FLNB: variants seen among roughly 807,000 people sequenced by gnomAD.
FLNB encodes the protein filamin-B.
A neutral mutation model predicts 250.6 loss-of-function variants in FLNB; 111 were observed. The ratio of observed to expected loss-of-function variants is 0.44; its 90% CI spans 0.38 to 0.52. The LOEUF is 0.52. Ranked by LOEUF, FLNB falls within the 20% of genes least tolerant of loss-of-function variation. The probability of loss-of-function intolerance (pLI) is 0.00; values close to 1 mark genes in which losing one functional copy is unlikely to be tolerated. For missense variants in FLNB, 2,869 were observed against 3,447.8 expected (o/e 0.83, Z 4.20); for synonymous variants, 1,302 against 1,372.1 (o/e 0.95, Z 1.13).
chr3:58,019,676 AT>A (rs55939174), intron 1 of FLNB, among the ~76,000 whole-genome samples: 40,347 of 151,858 alleles, frequency 0.27, 5,699 homozygotes, highest in East Asian at 0.5. Context: ...GCTTCTGTGG[AT>A]TTTTTTTCTT....
intron 1 of FLNB, among the ~76,000 whole-genome samples, chr3:58,042,893 ATGTT>A (rs2097148124): frequency 1.3e-5 from 2 of 152,018 alleles, no homozygotes; most frequent in African/African-American, 4.8e-5. Context: ...TCTACTGGGA[ATGTT>A]TGTTTGTGAT....
intron 1 of FLNB, among the ~76,000 whole-genome samples, chr3:58,010,768 A>G (rs1229194365): frequency 6.6e-6 from 1 of 152,234 alleles, no homozygotes; most frequent in Non-Finnish European, 1.5e-5. Flanking sequence ...AGCACTAGCA[A>G]ATCACAGACT....
Position 58,146,837 on chromosome 3 carries a change from A to G in FLNB, c.5572A>G (p.Ile1858Val), listed in dbSNP as rs754559350. ...DAGEGGLDLAIEGPSKAEISC... is the reference protein window; with the variant it reads ...DAGEGGLDLAVEGPSKAEISC... ...ACTTGTAGGTGGTCTGGACTTGGCT[A>G]TTGAGGGCCCCTCAAAAGCAGAAAT... The change falls in exon 34 of 46, where the codon ATT becomes GTT. Residue 1858 changes from isoleucine to valine, a missense_variant. Physicochemically the swap from Ile to Val is conservative, Grantham distance 29. Transcript: ENST00000295956. The G allele has an allele frequency of 9.9e-6, 16 of 1,614,178 alleles. No homozygotes were observed. In the Admixed American group the frequency reaches 1.8e-4, roughly 18 times the overall value.
chr3:58,108,888 T>C (rs145378123), intron 13 of FLNB, among the ~76,000 whole-genome samples: 5 of 152,328 alleles, frequency 3.3e-5, no homozygotes, highest in African/African-American at 1.2e-4. Flanking sequence ...ATTTAAAAAG[T>C]ATGTTTATTT....
At chr3:58,093,278 G>T (rs1407856742) in intron 4 of FLNB, among the ~76,000 whole-genome samples, 1 of 152,110 alleles carries the variant, frequency 6.6e-6, no homozygotes, top group African/African-American at 2.4e-5. Flanking sequence ...ATGAAGTTGG[G>T]GTGGGCCATC....
At position 58,150,011 on chromosome 3, in the gene FLNB, A is replaced by C; in HGVS notation, c.6244+9A>C. 1 of 1,614,270 alleles carries C rather than the reference A, an allele frequency of 6.2e-7. No homozygotes were observed. The highest frequency in any genetic ancestry group is 8.5e-7 in the Non-Finnish European group (1 of 1,180,044). On this transcript the variant is annotated intron_variant, in intron 37 of 45. Coordinates refer to ENST00000295956, the MANE Select transcript of FLNB (RefSeq NM_001457.4). ...TGACGAGCACGTGCCTGGTATGTGC[A>C]TTCCATTCCCCTCCAGGTGGGATGC...
chr3:58,015,577 C>A (rs773558115), intron 1 of FLNB, among the ~76,000 whole-genome samples: 3 of 152,186 alleles, frequency 2.0e-5, no homozygotes, highest in Non-Finnish European at 4.4e-5. Flanking sequence ...TCAGATACTG[C>A]TCAGAGGAGA....
intron 1 of FLNB, among the ~76,000 whole-genome samples, chr3:58,024,701 CTT>C (rs1174805764): frequency 1.4e-4 from 12 of 83,764 alleles, no homozygotes; most frequent in Admixed American, 2.8e-4. Context: ...GCCAAGCCTC[CTT>C]TTTTTTTTTT....
At chr3:58,149,211 T>C (rs1162476652) in intron 36 of FLNB, 1 of 347,572 alleles carries the variant, frequency 2.9e-6, no homozygotes, top group African/African-American at 2.1e-5. Flanking sequence ...GCCAAGACCA[T>C]GGTCATCTGA....
chr3:58,028,615 TC>T (rs1322057325), intron 1 of FLNB, among the ~76,000 whole-genome samples: 7 of 136,718 alleles, frequency 5.1e-5, no homozygotes, highest in African/African-American at 2.3e-4. Context: ...TTTTTTCTTT[TC>T]TTTTTTTTTT....
rs1337992517 is a variant in FLNB at position 58,106,359 on chromosome 3, T to C, written c.1748-321T>C. ...CATATAATGTATTTAATACTATATATATATATATATATATATATCCTCCTG... is the reference window on the plus strand; with the variant it reads ...CATATAATGTATTTAATACTATATACATATATATATATATATATCCTCCTG... On this transcript the variant is annotated intron_variant, in intron 11 of 45. Coordinates refer to ENST00000295956, the MANE Select transcript of FLNB (RefSeq NM_001457.4). Among the ~76,000 whole-genome samples the C allele has an allele frequency of 2.1e-5, 3 of 141,034 alleles. 1 individual carries two copies. In the East Asian group the frequency reaches 6.7e-4, roughly 31 times the overall value. The allele number at this position is 141,034 out of a possible 152,430, so 92.5% of individuals were successfully genotyped here.
rs899442730 is a variant in FLNB at position 58,142,196 on chromosome 3, G to A, written c.5181+267G>A. 1.3e-5 allele frequency among the ~76,000 whole-genome samples: 2 copies of A among 152,212 alleles called. No individual in the cohort carries two copies. The highest frequency in any genetic ancestry group is 2.9e-5 in the Non-Finnish European group (2 of 68,032). On this transcript the variant is annotated intron_variant, in intron 30 of 45. Transcript: ENST00000295956. This position sits in a 1 kb window ranked among gnomAD's most constrained non-coding sequence, Gnocchi z 4.3. ...GTCTCTGTGTTTAAAGAGAAAGACAGACAGCTGTCTGCAGCCCTCCTGCTG... is the reference window on the plus strand; with the variant it reads ...GTCTCTGTGTTTAAAGAGAAAGACAAACAGCTGTCTGCAGCCCTCCTGCTG...
At position 58,163,298 on chromosome 3, in the gene FLNB, C is replaced by T. The variant is rs541479906; in HGVS notation, c.7166C>T (p.Ala2389Val). 6.2e-7 allele frequency: 1 copy of T among 1,614,202 alleles called. No individual in the cohort carries two copies. Among genetic ancestry groups the T allele is most frequent in the African/African-American group, 1.3e-5 (1 of 75,044 alleles). Reference sequence around the variant, plus strand: ...GCGGGGAACCCTGCCCTGGTGTCCGCCTATGGCACGGGACTCGAAGGGGGC... The same window carrying T: ...GCGGGGAACCCTGCCCTGGTGTCCGTCTATGGCACGGGACTCGAAGGGGGC... The part of the protein sequence containing the change: ...GQAGNPALVS[A>V]YGTGLEGGTT... Residue 2389 changes from alanine (A) to valine (V), a missense_variant, in exon 43 of 46, where the codon GCC (alanine) becomes GTC (valine). Transcript: ENST00000295956.
At chr3:58,049,432 A>G (rs1230983284) in intron 1 of FLNB, among the ~76,000 whole-genome samples, 6 of 152,134 alleles carry the variant, frequency 3.9e-5, no homozygotes, top group Non-Finnish European at 8.8e-5. Context: ...TGCCCTTGCT[A>G]GGTATTAGCA....
intron 1 of FLNB, among the ~76,000 whole-genome samples, chr3:58,044,757 G>A (rs1156325843): frequency 6.6e-6 from 1 of 152,218 alleles, no homozygotes; most frequent in Non-Finnish European, 1.5e-5. Context: ...GCCCAGATCA[G>A]CACCTTGGGA....
At position 58,124,416 on chromosome 3, in the gene FLNB, T is replaced by A. The variant is rs764346451; in HGVS notation, c.3809T>A (p.Ile1270Asn). 6.2e-7 allele frequency: 1 copy of A among 1,614,212 alleles called. No individual in the cohort carries two copies. Among genetic ancestry groups the A allele is most frequent in the African/African-American group, 1.3e-5 (1 of 75,058 alleles). Residue 1270 changes from isoleucine to asparagine, a missense_variant, in exon 22 of 46, where the codon ATT becomes AAT. Physicochemically the swap from Ile to Asn is moderately radical, Grantham distance 149. This residue lies in a region of FLNB where 1,348 missense variants were observed against 1,466.7 expected (regional missense o/e 0.92). Coordinates refer to ENST00000295956, the MANE Select transcript of FLNB (RefSeq NM_001457.4). ...QVGGDHIKAH[I>N]ANPSGASTEC... is the part of the protein sequence containing the mutation. Reference sequence around the variant, plus strand: ...GGGGGTGACCACATCAAGGCCCACATTGCCAACCCCTCAGGGGCCTCCACC... The same window carrying A: ...GGGGGTGACCACATCAAGGCCCACAATGCCAACCCCTCAGGGGCCTCCACC...
At chr3:58,061,476 C>G (rs567735203) in intron 1 of FLNB, among the ~76,000 whole-genome samples, 65 of 151,906 alleles carry the variant, frequency 4.3e-4, no homozygotes, top group Non-Finnish European at 8.2e-4. Context: ...CCTGTGATCC[C>G]AGCACTTTGG....
At chr3:58,116,207 G>A (rs2097277557) in intron 18 of FLNB, among the ~76,000 whole-genome samples, 2 of 152,216 alleles carry the variant, frequency 1.3e-5, no homozygotes, top group Admixed American at 6.5e-5. Flanking sequence ...GGCTAAGGAA[G>A]TGTGCCCTTG....
rs545462682 is a variant in FLNB at position 58,089,385 on chromosome 3, A to G, written c.788-5451A>G. ...CCTTATGAAACCCAGTCTCTACTAA[A>G]AATACAAAAAATTAGCCAGGTGAGG... On this transcript the variant is annotated intron_variant, in intron 4 of 45. Coordinates refer to ENST00000295956, the MANE Select transcript of FLNB (RefSeq NM_001457.4). Among the ~76,000 whole-genome samples, 12 of 152,070 alleles carry G rather than the reference A, an allele frequency of 7.9e-5. No individual in the cohort carries two copies. In the South Asian group the frequency reaches 1.9e-3, roughly 24 times the overall value.
Sources: allele counts gnomAD v4.1 joint callset (sites outside exome capture counted in the v4.1 genomes callset), GRCh38; gene constraint gnomAD v4.1.1; regional missense constraint gnomAD v4.1.1; non-coding constraint Gnocchi (gnomAD v3.1); transcripts MANE v1.5; gene names NCBI Gene and HGNC (gene_info 2026-07-23, HGNC 2026-07-21).